Variants in SDK2 observed in about 807,000 individuals in gnomAD.
The protein encoded by SDK2 is protein sidekick-2.
Under a neutral mutation model 253.9 loss-of-function variants are expected in SDK2, and 105 were observed. That is an observed-to-expected ratio of 0.41 (90% CI 0.35 to 0.49). SDK2 has a LOEUF of 0.49. Ranked by LOEUF, SDK2 falls within the 20% of genes least tolerant of loss-of-function variation. The probability of loss-of-function intolerance (pLI) is 0.06; values close to 1 mark genes in which losing one functional copy is unlikely to be tolerated. For synonymous variants in SDK2, 1,249 were observed against 1,234.9 expected, an observed-to-expected ratio of 1.01 and a Z score of -0.24; for missense variants, 2,608 against 3,003.0, an observed-to-expected ratio of 0.87 and a Z score of 3.07.
At chr17:73,349,386 T>G (rs2062515020) in intron 43 of SDK2, among the ~76,000 whole-genome samples, 1 of 152,202 alleles carries the variant, frequency 6.6e-6, no homozygotes, top group South Asian at 2.1e-4. Flanking sequence ...GAGGCTGGAC[T>G]CCTCCTGACT....
In SDK2 at chr17:73,642,301, T is replaced by C. The variant is rs904726726; in HGVS notation, c.64+1724A>G. 1.3e-5 allele frequency among the ~76,000 whole-genome samples: 2 copies of C among 152,234 alleles called. No homozygotes were observed. Among genetic ancestry groups the C allele is most frequent in the African/African-American group, 2.4e-5 (1 of 41,464 alleles). ...ATGAGACAAGAATTGGTGAGCCACC[T>C]GCCCAGGGAAATCATACCATTGTTG... On this transcript the variant is annotated intron_variant, in intron 1 of 44. Transcript: ENST00000392650. The surrounding 1 kb of genome is among the most constrained non-coding windows in gnomAD (Gnocchi z 4.7).
Position 73,388,046 on chromosome 17 carries a change from TG to T in SDK2, c.4193-10del. 6.4e-7 allele frequency: 1 copy of T among 1,558,546 alleles called. No homozygotes were observed. The highest frequency in any genetic ancestry group is 8.7e-7 in the Non-Finnish European group (1 of 1,152,908). ...GGGGGGCTGCGGACGGTCTGGGAGG[TG>T]GCAGAGGGGGAGGAGCAGGTGAGTG... is the stretch of plus-strand genomic sequence containing the variant. On this transcript the variant is annotated splice_polypyrimidine_tract_variant and intron_variant, in intron 29 of 44. Transcript: ENST00000392650.
intron 5 of SDK2, among the ~76,000 whole-genome samples, chr17:73,445,740 T>C (rs1013479114): frequency 6.6e-6 from 1 of 151,816 alleles, no homozygotes; most frequent in Non-Finnish European, 1.5e-5. Flanking sequence ...TGGGGATTTG[T>C]GTCACAGAGA....
intron 1 of SDK2, among the ~76,000 whole-genome samples, chr17:73,516,439 T>C (rs774939277): frequency 7.1e-4 from 108 of 152,218 alleles, no homozygotes; most frequent in Non-Finnish European, 1.2e-3. Context: ...CTGGGGCTCC[T>C]GGCGAGTCCC....
intron 1 of SDK2, among the ~76,000 whole-genome samples, chr17:73,580,709 T>C (rs2045523220): frequency 6.6e-6 from 1 of 152,260 alleles, no homozygotes; most frequent in Non-Finnish European, 1.5e-5. Context: ...AAAAGGTTGG[T>C]ATTTTAGTAC....
At chr17:73,441,927 G>A (rs780941843) in intron 5 of SDK2, among the ~76,000 whole-genome samples, 1 of 152,194 alleles carries the variant, frequency 6.6e-6, no homozygotes, top group South Asian at 2.1e-4. Flanking sequence ...ATGAGGCCAC[G>A]AGGGCCGGGC....
Position 73,338,507 on chromosome 17 carries a change from T to C in SDK2, c.*80A>G. On this transcript the variant is annotated 3_prime_UTR_variant, in exon 45 of 45. Transcript: ENST00000392650. This position sits in a 1 kb window ranked among gnomAD's most constrained non-coding sequence, Gnocchi z 5.0. Reference sequence around the variant, plus strand: ...AGTTGACTTGGTTTCTTGGTGTTTTTGTTTTCTGGCAGGCAGTGAGAGGAG... The same window carrying C: ...AGTTGACTTGGTTTCTTGGTGTTTTCGTTTTCTGGCAGGCAGTGAGAGGAG... The C allele has an allele frequency of 8.0e-6, 7 of 873,508 alleles. No homozygotes were observed. In the South Asian group the frequency reaches 1.1e-4, roughly 14 times the overall value. 54.1% of individuals were successfully genotyped at this position (873,508 alleles called of 1,614,324 possible).
At chr17:73,449,954 A>G (rs1013860681) in intron 4 of SDK2, among the ~76,000 whole-genome samples, 2 of 152,156 alleles carry the variant, frequency 1.3e-5, no homozygotes, top group Non-Finnish European at 2.9e-5. Context: ...AAACAAAAAA[A>G]CAAGAAACAA....
rs775653984 is a variant in SDK2 at position 73,395,306 on chromosome 17, C to A, written c.3441G>T (p.Thr1147=). Residue 1147 remains threonine (T), a synonymous_variant, in exon 25 of 45, where the codon ACG becomes ACT. Transcript: ENST00000392650. The surrounding 1 kb of genome is among the most constrained non-coding windows in gnomAD (Gnocchi z 4.3). Reference sequence around the variant, plus strand: ...CACGGTCCTGCACCACGTGGCTCAGCGTCTTGCCATGCCCGTCTGACCGGC... The same window carrying A: ...CACGGTCCTGCACCACGTGGCTCAGAGTCTTGCCATGCCCGTCTGACCGGC... ...KYSRSDGHGK[T]LSHVVQDRVE... is the part of the protein sequence containing the mutation. 2 of 1,614,000 alleles carry A rather than the reference C, an allele frequency of 1.2e-6. No homozygotes were observed. The highest frequency in any genetic ancestry group is 1.6e-4 in the Middle Eastern group (1 of 6,062).
intron 20 of SDK2, among the ~76,000 whole-genome samples, 182 bp from the exon 21 acceptor site, chr17:73,401,393 G>A (rs1028649038): frequency 2.6e-5 from 4 of 152,184 alleles, no homozygotes; most frequent in African/African-American, 7.2e-5. Context: ...TCAGTGGGAT[G>A]CCAGCACTTT....
chr17:73,380,289 G>A (rs573401964), intron 34 of SDK2, among the ~76,000 whole-genome samples: 25 of 152,220 alleles, frequency 1.6e-4, no homozygotes, highest in Non-Finnish European at 2.6e-4. Context: ...GAGGAAGGAG[G>A]AAGAGAATTT....
rs1310735111 is a variant in SDK2 at position 73,437,955 on chromosome 17, C to A, written c.916+9G>T. 5.8e-6 allele frequency: 9 copies of A among 1,552,956 alleles called. No individual in the cohort carries two copies. Among genetic ancestry groups the A allele is most frequent in the South Asian group, 4.7e-5 (4 of 84,768 alleles). On this transcript the variant is annotated intron_variant, in intron 7 of 44. Coordinates refer to ENST00000392650, the MANE Select transcript of SDK2 (RefSeq NM_001144952.2). ...TCAGGGGAGCCCTAGCAGCCCCACCCTCTCTCACCCAGCACTGAGAGGTAG... is the reference window on the plus strand; with the variant it reads ...TCAGGGGAGCCCTAGCAGCCCCACCATCTCTCACCCAGCACTGAGAGGTAG...
In SDK2 at chr17:73,358,261, C is replaced by A. The variant is rs201914146; in HGVS notation, c.5468-57G>T. On this transcript the variant is annotated intron_variant, in intron 39 of 44. Transcript: ENST00000392650. ...TGGAACCCAGAACAGCCACCCAGCC[C>A]GTCACCCTGGGCTCGAGGAGGAACA... The A allele has an allele frequency of 9.1e-4, 1,400 of 1,545,162 alleles. 1 individual carries two copies. The highest frequency in any genetic ancestry group is 1.2e-3 in the Non-Finnish European group (1,340 of 1,152,676).
intron 6 of SDK2, 105 bp from the exon 7 acceptor site, chr17:73,438,259 C>A: frequency 9.3e-7 from 1 of 1,076,806 alleles, no homozygotes; most frequent in South Asian, 1.7e-5. Context: ...GCCGGGCTGC[C>A]TGGGTTTGCC....
At chr17:73,424,430 A>G (rs750228950) in intron 12 of SDK2, among the ~76,000 whole-genome samples, 1 of 152,346 alleles carries the variant, frequency 6.6e-6, no homozygotes, top group Non-Finnish European at 1.5e-5. Flanking sequence ...TCTTCTGAAG[A>G]GGCTGAAAGA....
intron 5 of SDK2, among the ~76,000 whole-genome samples, chr17:73,442,817 T>C (rs1459723781): frequency 6.7e-6 from 1 of 149,786 alleles, no homozygotes; most frequent in Non-Finnish European, 1.5e-5. Context: ...TGGGTTTTAT[T>C]GGAAAAAAAA....
At chr17:73,339,180 C>T (rs1385134387) in intron 44 of SDK2, among the ~76,000 whole-genome samples, 3 of 151,176 alleles carry the variant, frequency 2.0e-5, no homozygotes, top group African/African-American at 4.9e-5. Context: ...TGGCCCAGAG[C>T]TGGGAGATAC....
chr17:73,365,265 G>A lies in SDK2; in HGVS notation c.5298C>T (p.Pro1766=), dbSNP rs142027922. 585 of 1,605,784 alleles carry A rather than the reference G, an allele frequency of 3.6e-4. No homozygotes were observed. The highest frequency in any genetic ancestry group is 4.8e-4 in the Non-Finnish European group (564 of 1,176,468). Residue 1766 remains proline (P), a synonymous_variant, in exon 38 of 45, where the codon CCC becomes CCT. Transcript: ENST00000392650. ...GYRLVYEPCS[P]VDGVSKIVTV... ...GCTGGGGGGTCCACTCACCATCCAC[G>A]GGGCTGCAGGGCTCGTACACCAGCC...
At chr17:73,619,051 C>A (rs572076795) in intron 1 of SDK2, among the ~76,000 whole-genome samples, 7 of 151,800 alleles carry the variant, frequency 4.6e-5, no homozygotes, top group African/African-American at 1.7e-4. Context: ...CCTGTAATTC[C>A]AGCTACTCAG....
Sources: gnomAD v4.1 joint callset for allele counts (sites outside exome capture counted in the v4.1 genomes callset) on GRCh38, gnomAD v4.1.1 for gene constraint, Gnocchi (gnomAD v3.1) non-coding constraint, MANE v1.5 for transcripts, NCBI Gene and HGNC (gene_info 2026-07-23, HGNC 2026-07-21) for gene names.